PPP1R9A: variants seen among roughly 807,000 people sequenced by gnomAD.
PPP1R9A encodes the protein protein phosphatase 1 regulatory subunit 9A.
A neutral mutation model predicts 141.9 loss-of-function variants in PPP1R9A; 59 were observed. The observed-to-expected ratio is 0.42, with a 90% CI of 0.34 to 0.52. The LOEUF is 0.52. Among genes scored for constraint, PPP1R9A ranks in the 20% least tolerant of loss-of-function variants. The pLI is 0.10. For missense variants in PPP1R9A, 1,444 were observed against 1,611.9 expected, an observed-to-expected ratio of 0.90 and a Z score of 1.78; for synonymous variants, 500 against 569.7, an observed-to-expected ratio of 0.88 and a Z score of 1.74.
chr7:95,149,229 G>A (rs1005308574), intron 4 of PPP1R9A, among the ~76,000 whole-genome samples: 2 of 151,870 alleles, frequency 1.3e-5, no homozygotes, highest in African/African-American at 4.8e-5. Flanking sequence ...TATACTAGGA[G>A]TAGAGCAGAA....
intron 4 of PPP1R9A, among the ~76,000 whole-genome samples, chr7:95,141,463 A>G (rs532318785): frequency 4.5e-4 from 69 of 152,218 alleles, no homozygotes; most frequent in African/African-American, 1.6e-3. Flanking sequence ...TTACCACCCA[A>G]TATTTTTACC....
chr7:95,110,912 A>G (rs1439704609), intron 2 of PPP1R9A, among the ~76,000 whole-genome samples: 1 of 152,128 alleles, frequency 6.6e-6, no homozygotes, highest in Non-Finnish European at 1.5e-5. Context: ...GGTAGCTTCA[A>G]GATGGTTTAC....
intron 3 of PPP1R9A, among the ~76,000 whole-genome samples, chr7:95,114,106 C>T (rs765492240): frequency 2.6e-5 from 4 of 152,056 alleles, no homozygotes; most frequent in Non-Finnish European, 4.4e-5. Flanking sequence ...AAAAACAAGA[C>T]CAATCCAAAT....
intron 2 of PPP1R9A, among the ~76,000 whole-genome samples, chr7:94,954,071 A>G (rs1210042178): frequency 6.6e-6 from 1 of 152,094 alleles, no homozygotes; most frequent in Admixed American, 6.6e-5. Context: ...GTTTTGGGCC[A>G]TTCAGTATGA....
chr7:95,016,646 A>ATTTT (rs1251253960), intron 2 of PPP1R9A, among the ~76,000 whole-genome samples: 2 of 152,218 alleles, frequency 1.3e-5, no homozygotes, highest in Non-Finnish European at 2.9e-5. Flanking sequence ...TAATCCATTT[A>ATTTT]TTAAAGAAAA....
chr7:95,183,854 A>T (rs909614386), intron 5 of PPP1R9A, among the ~76,000 whole-genome samples: 3 of 151,200 alleles, frequency 2.0e-5, no homozygotes, highest in African/African-American at 7.3e-5. Flanking sequence ...TTATTTTAAA[A>T]ATTTTTTATT....
chr7:95,204,704 C>G, intron 7 of PPP1R9A, among the ~76,000 whole-genome samples: 1 of 140,692 alleles, frequency 7.1e-6, no homozygotes, highest in Admixed American at 7.1e-5. Context: ...CCACACACAC[C>G]ACACACACAC....
intron 7 of PPP1R9A, among the ~76,000 whole-genome samples, chr7:95,204,433 C>T (rs1023467709): frequency 5.9e-5 from 9 of 152,082 alleles, no homozygotes; most frequent in Non-Finnish European, 1.5e-5. Context: ...GGTCTAATCT[C>T]TAAAATCATT....
chr7:94,991,501 T>A (rs1801505201), intron 2 of PPP1R9A, among the ~76,000 whole-genome samples: 1 of 152,168 alleles, frequency 6.6e-6, no homozygotes, highest in Non-Finnish European at 1.5e-5. Context: ...GTTGATTGTT[T>A]CCTTTACTGT....
chr7:95,106,770 T>C (rs1047076615), intron 2 of PPP1R9A, among the ~76,000 whole-genome samples: 2 of 152,326 alleles, frequency 1.3e-5, no homozygotes, highest in East Asian at 1.9e-4. Context: ...TATCCTTTTT[T>C]TCTATATCCT....
At position 95,234,615 on chromosome 7, in the gene PPP1R9A, A is replaced by C. The variant is rs577941835; in HGVS notation, c.2112+8499A>C. On this transcript the variant is annotated intron_variant, in intron 8 of 19. Coordinates refer to ENST00000433360, the MANE Select transcript of PPP1R9A (RefSeq NM_001166160.2). ...ATGACCATATTGCAAAAAGCAATCTACAAATTCCTTGCAATTCCCATAAAA... is the reference window on the plus strand; with the variant it reads ...ATGACCATATTGCAAAAAGCAATCTCCAAATTCCTTGCAATTCCCATAAAA... Among the ~76,000 whole-genome samples, 6 of 152,280 alleles carry C rather than the reference A, an allele frequency of 3.9e-5. No individual in the cohort carries two copies. In the South Asian group the frequency reaches 1.2e-3, roughly 32 times the overall value.
At chr7:95,132,684 G>A (rs914882438) in intron 4 of PPP1R9A, among the ~76,000 whole-genome samples, 5 of 151,998 alleles carry the variant, frequency 3.3e-5, no homozygotes, top group Non-Finnish European at 5.9e-5. Context: ...CTGGGTTCAC[G>A]CTGCTCACCC....
Position 95,111,374 on chromosome 7 carries a change from C to T in PPP1R9A, c.1511C>T (p.Pro504Leu). The change falls in exon 3 of 20, where the codon CCA (proline) becomes CTA (leucine). Residue 504 changes from proline to leucine, a missense_variant. Physicochemically the swap from Pro to Leu is moderately conservative, Grantham distance 98. Coordinates refer to ENST00000433360, the MANE Select transcript of PPP1R9A (RefSeq NM_001166160.2). ...CGTGTAGAAAAGCTGGAACTTTTCC[C>T]AGTGGAGCTAGAGAAAGGTTCGTGA... ...EKRVEKLELF[P>L]VELEKDEDGL... 6.2e-7 allele frequency: 1 copy of T among 1,613,638 alleles called. No individual in the cohort carries two copies. Among genetic ancestry groups the T allele is most frequent in the Non-Finnish European group, 8.5e-7 (1 of 1,179,694 alleles).
At chr7:94,944,644 G>A (rs1795703392) in intron 2 of PPP1R9A, among the ~76,000 whole-genome samples, 1 of 152,006 alleles carries the variant, frequency 6.6e-6, no homozygotes, top group African/African-American at 2.4e-5. Context: ...TTGTTCATTT[G>A]TGGAAATCCC....
chr7:94,956,302 G>A (rs1797063870), intron 2 of PPP1R9A, among the ~76,000 whole-genome samples: 1 of 151,888 alleles, frequency 6.6e-6, no homozygotes, highest in Admixed American at 6.6e-5. Context: ...ATATTCTTTG[G>A]TTCTAGTTTA....
intron 8 of PPP1R9A, among the ~76,000 whole-genome samples, chr7:95,244,111 T>C (rs1002834336): frequency 6.6e-6 from 1 of 152,216 alleles, no homozygotes. Flanking sequence ...TTGTCCATTC[T>C]GAATAATGTG....
At chr7:95,034,583 C>G (rs888521442) in intron 2 of PPP1R9A, among the ~76,000 whole-genome samples, 2 of 152,068 alleles carry the variant, frequency 1.3e-5, no homozygotes, top group African/African-American at 4.8e-5. Context: ...GAACTCCTGA[C>G]TTCAATTGGT....
intron 1 of PPP1R9A, chr7:94,908,226 C>CT (rs1791010423): frequency 1.8e-5 from 1 of 54,808 alleles, no homozygotes; most frequent in African/African-American, 7.6e-5. Context: ...GAGTTGCAGG[C>CT]TGGGGGTGGG....
intron 17 of PPP1R9A, 76 bp downstream of exon 17, chr7:95,284,406 T>G: frequency 8.0e-7 from 1 of 1,250,312 alleles, no homozygotes; most frequent in Non-Finnish European, 1.1e-6. Flanking sequence ...TACCACCTTC[T>G]TTAATGCTGT....
Sources: allele counts gnomAD v4.1 joint callset (sites outside exome capture counted in the v4.1 genomes callset), GRCh38; gene constraint gnomAD v4.1.1; transcripts MANE v1.5; gene names NCBI Gene and HGNC (gene_info 2026-07-23, HGNC 2026-07-21).